Variants in DCAF6 observed in about 807,000 individuals in gnomAD.
DCAF6 encodes the protein DDB1- and CUL4-associated factor 6.
Under a neutral mutation model 125.1 loss-of-function variants are expected in DCAF6, and 54 were observed. The ratio of observed to expected loss-of-function variants is 0.43; its 90% CI spans 0.35 to 0.54. The LOEUF (loss-of-function observed/expected upper bound fraction) is 0.54. Among genes scored for constraint, DCAF6 ranks in the 20% least tolerant of loss-of-function variants. DCAF6 has a pLI of 0.01. For synonymous variants in DCAF6, 371 were observed against 390.4 expected (o/e 0.95, Z 0.58); for missense variants, 934 against 1,161.7 (o/e 0.80, Z 2.85).
At chr1:168,055,133 G>A (rs1316607743) in intron 17 of DCAF6, among the ~76,000 whole-genome samples, 1 of 151,898 alleles carries the variant, frequency 6.6e-6, no homozygotes, top group Non-Finnish European at 1.5e-5. Context: ...TATGCCTGGG[G>A]AATGCGTCTT....
At chr1:168,030,341 T>G (rs1036426199) in intron 12 of DCAF6, among the ~76,000 whole-genome samples, 1 of 152,200 alleles carries the variant, frequency 6.6e-6, no homozygotes, top group Non-Finnish European at 1.5e-5. Flanking sequence ...TTGCAGAGCC[T>G]CTGAGATGCC....
upstream of DCAF6, chr1:167,935,651 G>C: frequency 1.7e-6 from 2 of 1,181,018 alleles, no homozygotes; most frequent in Non-Finnish European, 2.5e-6. Context: ...TCTAGAGGCA[G>C]TTGTCAGAGG....
chr1:167,909,518 T>C, the DCAF6 span, among the ~76,000 whole-genome samples: 1 of 152,048 alleles, frequency 6.6e-6, no homozygotes, highest in African/African-American at 2.4e-5. Context: ...CAACACAAAT[T>C]TGTAAACTTT....
chr1:168,015,560 T>C (rs923057254), intron 10 of DCAF6, among the ~76,000 whole-genome samples: 3 of 152,172 alleles, frequency 2.0e-5, no homozygotes, highest in African/African-American at 7.2e-5. Context: ...TAGAGAAATA[T>C]ATGTATCTAA....
At chr1:167,975,843 G>C (rs1678067910) in intron 4 of DCAF6, among the ~76,000 whole-genome samples, 1 of 152,142 alleles carries the variant, frequency 6.6e-6, no homozygotes, top group African/African-American at 2.4e-5. Context: ...GTGAGCCACT[G>C]TACTAGCCTC....
At chr1:167,990,456 C>T (rs1680672745) in intron 5 of DCAF6, among the ~76,000 whole-genome samples, 1 of 152,172 alleles carries the variant, frequency 6.6e-6, no homozygotes, top group Non-Finnish European at 1.5e-5. Flanking sequence ...TCCATCTTTG[C>T]TGTCAAGTGG....
chr1:167,987,120 G>T (rs1680122415), intron 4 of DCAF6, among the ~76,000 whole-genome samples: 1 of 151,982 alleles, frequency 6.6e-6, no homozygotes, highest in Non-Finnish European at 1.5e-5. Flanking sequence ...ATTTGCTTAC[G>T]TATTTATTGT....
In DCAF6 at chr1:168,023,105, A is replaced by G. The variant is rs1416433192; in HGVS notation, c.1609+58A>G. The G allele has an allele frequency of 2.0e-6, 3 of 1,523,798 alleles. No homozygotes were observed. In the African/African-American group the frequency reaches 4.1e-5, roughly 21 times the overall value. 94.4% of individuals were successfully genotyped at this position (1,523,798 alleles called of 1,614,324 possible). ...CATCCATAGCTTTATTGCAATGCAT[A>G]TACTAAGCTCTCTCACACCTTTCGT... On this transcript the variant is annotated intron_variant, in intron 12 of 21. Transcript: ENST00000367840.
intron 4 of DCAF6, among the ~76,000 whole-genome samples, chr1:167,978,830 T>A (rs951617255): frequency 6.6e-6 from 1 of 152,112 alleles, no homozygotes; most frequent in Non-Finnish European, 1.5e-5. Context: ...TAATTTTTTT[T>A]ATTTTTTGTA....
intron 18 of DCAF6, among the ~76,000 whole-genome samples, chr1:168,064,445 G>C (rs892007030): frequency 6.6e-6 from 1 of 152,094 alleles, no homozygotes; most frequent in Non-Finnish European, 1.5e-5. Context: ...TACAGAATCA[G>C]TTTTAATCCA....
At chr1:167,872,417 A>G in the DCAF6 span, among the ~76,000 whole-genome samples, 2 of 151,344 alleles carry the variant, frequency 1.3e-5, no homozygotes, top group African/African-American at 4.9e-5. Flanking sequence ...CCTGTGTTCT[A>G]TTCATACAGA....
At chr1:167,910,812 T>C in the DCAF6 span, among the ~76,000 whole-genome samples, 1 of 152,214 alleles carries the variant, frequency 6.6e-6, no homozygotes, top group Admixed American at 6.5e-5. Flanking sequence ...CTGCCCCCAG[T>C]TCACTGGCTC....
chr1:168,035,147 C>T (rs1037142115), intron 12 of DCAF6, among the ~76,000 whole-genome samples: 1 of 152,118 alleles, frequency 6.6e-6, no homozygotes, highest in African/African-American at 2.4e-5. Flanking sequence ...TATATACTGT[C>T]ACTAATACTG....
At chr1:167,898,994 C>T in the DCAF6 span, among the ~76,000 whole-genome samples, 19 of 152,150 alleles carry the variant, frequency 1.2e-4, no homozygotes, top group East Asian at 1.9e-4. Context: ...CACTGAACTT[C>T]GCCGCACTTG....
At chr1:167,911,434 G>C in the DCAF6 span, among the ~76,000 whole-genome samples, 1 of 152,214 alleles carries the variant, frequency 6.6e-6, no homozygotes, top group Non-Finnish European at 1.5e-5. Context: ...GCAACCATTA[G>C]GTCATAGCCT....
At chr1:167,899,999 G>A in the DCAF6 span, among the ~76,000 whole-genome samples, 7 of 152,270 alleles carry the variant, frequency 4.6e-5, no homozygotes, top group East Asian at 1.9e-4. Flanking sequence ...GATTGAAGCT[G>A]TAACTAAAAA....
At chr1:167,871,373 C>G in the DCAF6 span, among the ~76,000 whole-genome samples, 1 of 151,984 alleles carries the variant, frequency 6.6e-6, no homozygotes, top group Non-Finnish European at 1.5e-5. Context: ...TAGGTTTTTT[C>G]TGATTATAAA....
chr1:167,974,950 G>T lies in DCAF6; in HGVS notation c.373G>T (p.Val125Phe). ...SGDGVIFYTN[V>F]EQDAETNRQC... ...AGATGGAGTAATATTTTATACCAAC[G>T]TTGAGCAAGATGCAGAAACCAACAG... The change falls in exon 4 of 22, where the codon GTT (valine) becomes TTT (phenylalanine). Residue 125 changes from valine to phenylalanine, a missense_variant. Val to Phe is a conservative substitution (Grantham distance 50, BLOSUM62 -1). Coordinates refer to ENST00000367840, the MANE Select transcript of DCAF6 (RefSeq NM_001198956.2). The T allele has an allele frequency of 6.2e-7, 1 of 1,608,660 alleles. No homozygotes were observed.
At chr1:167,971,234 G>A (rs1276854764) in intron 3 of DCAF6, among the ~76,000 whole-genome samples, 1 of 151,998 alleles carries the variant, frequency 6.6e-6, no homozygotes, top group Non-Finnish European at 1.5e-5. Flanking sequence ...CTGGACACAT[G>A]TAGCCACTCC....
Sources: allele counts gnomAD v4.1 joint callset (sites outside exome capture counted in the v4.1 genomes callset), GRCh38; gene constraint gnomAD v4.1.1; transcripts MANE v1.5; gene names NCBI Gene and HGNC (gene_info 2026-07-23, HGNC 2026-07-21).